The following GHR variants were observed in gnomAD, a reference collection of about 807,000 sequenced individuals.
GHR encodes the protein growth hormone receptor, also known as GH receptor.
Under a neutral mutation model 67.1 loss-of-function variants are expected in GHR, and 35 were observed. The ratio of observed to expected loss-of-function variants is 0.52; its 90% CI spans 0.40 to 0.69. The LOEUF (loss-of-function observed/expected upper bound fraction) is 0.69, where lower values mean the gene tolerates loss of function less well. GHR is among the 30% of genes least tolerant of loss of function. The pLI is 0.00. For synonymous variants in GHR, 272 were observed against 269.1 expected, an observed-to-expected ratio of 1.01 and a Z score of -0.10; for missense variants, 792 against 764.6, an observed-to-expected ratio of 1.04 and a Z score of -0.42.
intron 1 of GHR, among the ~76,000 whole-genome samples, chr5:42,523,582 G>T (rs899581008): frequency 3.3e-5 from 5 of 152,088 alleles, no homozygotes; most frequent in African/African-American, 1.2e-4. Context: ...ACTAAATGTT[G>T]TGTGTGTTCT....
chr5:42,620,736 C>A (rs1179292355), intron 2 of GHR, among the ~76,000 whole-genome samples: 1 of 152,156 alleles, frequency 6.6e-6, no homozygotes, highest in Non-Finnish European at 1.5e-5. Context: ...GAACACAGAA[C>A]TGGGAAGAGA....
chr5:42,464,461 C>T (rs1051422614), intron 1 of GHR, among the ~76,000 whole-genome samples: 2 of 152,026 alleles, frequency 1.3e-5, no homozygotes, highest in African/African-American at 4.8e-5. Context: ...TGTGAATGAG[C>T]TCTCTGGAAG....
intron 3 of GHR, among the ~76,000 whole-genome samples, chr5:42,661,075 A>G (rs1015426560): frequency 2.2e-4 from 33 of 151,964 alleles, no homozygotes; most frequent in African/African-American, 8.0e-4. Context: ...ATAAAAAGAA[A>G]CAAAGCCTCC....
rs138145092 is a variant in GHR, at chr5:42,579,902, TG to T, written c.70+13959del. ...ACATGCCTTTAAAATAACCATGCCA[TG>T]CTGTTTTTTTTTTTTAAAATCATTA... On this transcript the variant is annotated intron_variant, in intron 2 of 9. Coordinates refer to ENST00000230882, the MANE Select transcript of GHR (RefSeq NM_000163.5). 0.012 allele frequency among the ~76,000 whole-genome samples: 1,834 copies of T among 151,846 alleles called. 81 individuals are homozygous for T. The East Asian group carries it at 0.14, about 12-fold the overall frequency.
chr5:42,691,184 G>A (rs1757406422), intron 4 of GHR, among the ~76,000 whole-genome samples: 2 of 152,196 alleles, frequency 1.3e-5, no homozygotes, highest in Admixed American at 6.5e-5. Flanking sequence ...CTGGGTAAAG[G>A]GAAACGTTCA....
chr5:42,482,513 G>T (rs1365527394), intron 1 of GHR, among the ~76,000 whole-genome samples: 1 of 152,234 alleles, frequency 6.6e-6, no homozygotes, highest in Non-Finnish European at 1.5e-5. Flanking sequence ...GCCTCCTTGA[G>T]CTGTGGTTGG....
At chr5:42,640,674 T>C (rs577836736) in intron 3 of GHR, among the ~76,000 whole-genome samples, 1 of 152,214 alleles carries the variant, frequency 6.6e-6, no homozygotes, top group African/African-American at 2.4e-5. Flanking sequence ...AGAAGGCCTA[T>C]ACAGCCAAAT....
chr5:42,657,368 G>A (rs911374050), intron 3 of GHR, among the ~76,000 whole-genome samples: 5 of 152,182 alleles, frequency 3.3e-5, no homozygotes, highest in Non-Finnish European at 7.4e-5. Context: ...CTCTGCCAAA[G>A]TAGTGTTTTT....
intron 1 of GHR, among the ~76,000 whole-genome samples, chr5:42,479,268 G>A (rs1393642084): frequency 6.6e-6 from 1 of 152,176 alleles, no homozygotes; most frequent in East Asian, 1.9e-4. Context: ...TTTTTGATGT[G>A]CTGCTGGATT....
intron 2 of GHR, among the ~76,000 whole-genome samples, chr5:42,581,678 A>T (rs1190279934): frequency 6.6e-6 from 1 of 152,130 alleles, no homozygotes; most frequent in African/African-American, 2.4e-5. Flanking sequence ...GCAGCGGCCC[A>T]TCTGGAGCCG....
intron 1 of GHR, among the ~76,000 whole-genome samples, chr5:42,478,444 G>A (rs1202130888): frequency 6.6e-6 from 1 of 152,088 alleles, no homozygotes; most frequent in African/African-American, 2.4e-5. Context: ...GCTTGATGGG[G>A]ATGGCATTGA....
intron 2 of GHR, among the ~76,000 whole-genome samples, chr5:42,609,944 A>G (rs1468977618): frequency 1.3e-5 from 2 of 152,210 alleles, no homozygotes; most frequent in African/African-American, 4.8e-5. Context: ...TGTCACTAAA[A>G]TGTAAACATG....
chr5:42,509,519 A>G (rs533158526), intron 1 of GHR, among the ~76,000 whole-genome samples: 7 of 152,350 alleles, frequency 4.6e-5, no homozygotes, highest in Admixed American at 6.5e-5. Flanking sequence ...CTCAGTGACC[A>G]TATGGTTTGC....
At chr5:42,672,250 G>T (rs892423457) in intron 3 of GHR, among the ~76,000 whole-genome samples, 1 of 151,970 alleles carries the variant, frequency 6.6e-6, no homozygotes, top group Non-Finnish European at 1.5e-5. Context: ...AAACCTAAAG[G>T]CTCCACCAAA....
At chr5:42,465,693 T>G (rs1055683593) in intron 1 of GHR, 1 of 855,486 alleles carries the variant, frequency 1.2e-6, no homozygotes, top group African/African-American at 1.6e-5. Flanking sequence ...TTCAGGCCAC[T>G]GTAATGTGAA....
chr5:42,621,960 T>C (rs1048117387), intron 2 of GHR, among the ~76,000 whole-genome samples: 1 of 152,164 alleles, frequency 6.6e-6, no homozygotes, highest in African/African-American at 2.4e-5. Flanking sequence ...ATGTACGAGA[T>C]AATACACTTT....
chr5:42,672,928 G>A (rs929182838), intron 3 of GHR, among the ~76,000 whole-genome samples: 2 of 152,104 alleles, frequency 1.3e-5, no homozygotes, highest in African/African-American at 2.4e-5. Flanking sequence ...AAGTTTTTCT[G>A]TGTAGAAGCT....
chr5:42,646,069 A>C (rs990328381), intron 3 of GHR, among the ~76,000 whole-genome samples: 1 of 152,246 alleles, frequency 6.6e-6, no homozygotes, highest in African/African-American at 2.4e-5. Flanking sequence ...ATCATACTTT[A>C]TGATTTTCCA....
At chr5:42,478,202 G>A (rs1264839092) in intron 1 of GHR, among the ~76,000 whole-genome samples, 7 of 152,182 alleles carry the variant, frequency 4.6e-5, no homozygotes, top group South Asian at 2.1e-4. Flanking sequence ...GTAGATATGC[G>A]GCATTATTTC....
Sources: gnomAD v4.1 joint callset for allele counts (sites outside exome capture counted in the v4.1 genomes callset) on GRCh38, gnomAD v4.1.1 for gene constraint, MANE v1.5 for transcripts, NCBI Gene and HGNC (gene_info 2026-07-23, HGNC 2026-07-21) for gene names.